The following MORC3 variants were observed in gnomAD, a reference collection of about 807,000 sequenced individuals.
MORC3 encodes MORC family CW-type zinc finger 3.
Under a neutral mutation model 109.1 loss-of-function variants are expected in MORC3, and 31 were observed. That is an observed-to-expected ratio of 0.28 (90% confidence interval 0.21 to 0.38). The LOEUF is 0.38. MORC3 is among the 10% of genes least tolerant of loss of function. The pLI is 1.00. For missense variants in MORC3, 867 were observed against 1,135.8 expected (o/e 0.76, Z 3.40); for synonymous variants, 395 against 380.7 (o/e 1.04, Z -0.44).
In MORC3 at chr21:36,349,300, T is replaced by A; in HGVS notation, c.1006-11T>A. On this transcript the variant is annotated splice_polypyrimidine_tract_variant and intron_variant, in intron 8 of 16. Coordinates refer to ENST00000400485, the MANE Select transcript of MORC3 (RefSeq NM_015358.3). ...TATGCTTAAAATGCTGATTTCATTT[T>A]ATTTTTTCAGGCAAACAACATGGGT... 1 of 1,593,424 alleles carries A rather than the reference T, an allele frequency of 6.3e-7. No homozygotes were observed. The highest frequency in any genetic ancestry group is 1.7e-4 in the Middle Eastern group (1 of 6,014).
chr21:36,368,080 A>C (rs1236370809), intron 14 of MORC3, among the ~76,000 whole-genome samples: 2 of 152,198 alleles, frequency 1.3e-5, no homozygotes, highest in African/African-American at 4.8e-5. Flanking sequence ...ACAAGGCCCA[A>C]ATAGCAAACC....
intron 10 of MORC3, among the ~76,000 whole-genome samples, chr21:36,358,708 C>T (rs999227221): frequency 6.6e-5 from 10 of 151,908 alleles, no homozygotes; most frequent in African/African-American, 2.4e-4. Flanking sequence ...GAGGTAGAGG[C>T]TTGCTCTGTC....
At position 36,358,623 on chromosome 21, in the gene MORC3, ATAAT is replaced by A. The variant is rs1282986159; in HGVS notation, c.1209-1328_1209-1325del. ...TAAATAAATAAAGTAGAAGCAAAAA[ATAAT>A]TAAAAAAATAAAAGAATATATACAA... is the stretch of plus-strand genomic sequence containing the variant. On this transcript the variant is annotated intron_variant, in intron 10 of 16. Coordinates refer to ENST00000400485, the MANE Select transcript of MORC3 (RefSeq NM_015358.3). Among the ~76,000 whole-genome samples the A allele has an allele frequency of 3.3e-5, 5 of 152,228 alleles. No individual in the cohort carries two copies. The East Asian group carries it at 9.6e-4, about 29-fold the overall frequency.
intron 2 of MORC3, among the ~76,000 whole-genome samples, chr21:36,335,947 C>T (rs771897942): frequency 5.3e-5 from 8 of 152,052 alleles, no homozygotes; most frequent in Non-Finnish European, 5.9e-5. Context: ...ATTTTTGAGA[C>T]GGAGTCTCGC....
chr21:36,328,342 C>CT (rs959569308), intron 1 of MORC3, among the ~76,000 whole-genome samples: 1,417 of 130,048 alleles, frequency 0.011, 31 homozygotes, highest in African/African-American at 0.03. Flanking sequence ...CCCCCCCCGC[C>CT]TTTTTTTTTT....
At chr21:36,356,018 G>A (rs1174533644) in intron 9 of MORC3, among the ~76,000 whole-genome samples, 1 of 152,086 alleles carries the variant, frequency 6.6e-6, no homozygotes, top group Non-Finnish European at 1.5e-5. Flanking sequence ...AAATTTCTTG[G>A]AGATGCTTAC....
chr21:36,364,464 C>T (rs2085755339), intron 14 of MORC3, among the ~76,000 whole-genome samples: 1 of 152,104 alleles, frequency 6.6e-6, no homozygotes, highest in South Asian at 2.1e-4. Flanking sequence ...CTGTTAAATT[C>T]GTTAAAAAGT....
At chr21:36,374,819 C>T (rs1270084138) in intron 16 of MORC3, among the ~76,000 whole-genome samples, 4 of 151,976 alleles carry the variant, frequency 2.6e-5, no homozygotes, top group Admixed American at 6.6e-5. Context: ...CTACAGGTGT[C>T]GTCACCAAGC....
intron 1 of MORC3, chr21:36,320,693 G>C (rs556263642): frequency 1.0e-4 from 20 of 200,430 alleles, no homozygotes; most frequent in South Asian, 9.4e-4. Flanking sequence ...CGGGTTCCGC[G>C]TCCAGAAACG....
chr21:36,323,462 G>A (rs558386276), intron 1 of MORC3, among the ~76,000 whole-genome samples: 1 of 152,170 alleles, frequency 6.6e-6, no homozygotes, highest in African/African-American at 2.4e-5. Context: ...GCACAATAAT[G>A]TTTGCTGTTT....
intron 1 of MORC3, among the ~76,000 whole-genome samples, chr21:36,329,581 A>G (rs1303615495): frequency 1.3e-5 from 2 of 152,178 alleles, no homozygotes; most frequent in Admixed American, 6.6e-5. Context: ...ATAAAATTCT[A>G]AGGCTCTTCC....
intron 14 of MORC3, among the ~76,000 whole-genome samples, chr21:36,367,817 C>T (rs1233471724): frequency 6.6e-6 from 1 of 152,164 alleles, no homozygotes; most frequent in Non-Finnish European, 1.5e-5. Flanking sequence ...ATGGCAGAAA[C>T]ACTTGAATGG....
At chr21:36,365,925 C>T (rs2085775990) in intron 14 of MORC3, among the ~76,000 whole-genome samples, 1 of 152,104 alleles carries the variant, frequency 6.6e-6, no homozygotes, top group Non-Finnish European at 1.5e-5. Flanking sequence ...CATTTTGGAG[C>T]TGGATTGCTA....
rs751432733 is a variant in MORC3, at chr21:36,369,495, A to G, written c.2127A>G (p.Glu709=). Residue 709 remains glutamate (E), a synonymous_variant, in exon 15 of 17, where the codon GAA becomes GAG. Transcript: ENST00000400485. ...LRNQLLLVTE[E]KENYKRQCHM... is the part of the protein sequence containing the mutation. ...ACCAGCTACTCCTTGTCACTGAGGA[A>G]AAAGAGAATTATAAAAGACAGTGTC... 69 of 1,614,090 alleles carry G rather than the reference A, an allele frequency of 4.3e-5. No individual in the cohort carries two copies. Among genetic ancestry groups the G allele is most frequent in the Admixed American group, 1.3e-4 (8 of 60,000 alleles).
intron 16 of MORC3, 39 bp from the exon 17 acceptor site, chr21:36,375,104 G>C: frequency 1.9e-6 from 3 of 1,569,636 alleles, no homozygotes; most frequent in Non-Finnish European, 2.6e-6. Context: ...ATCTTAACTT[G>C]TAATGCTCAT....
At chr21:36,329,072 C>G (rs1371025279) in intron 1 of MORC3, among the ~76,000 whole-genome samples, 2 of 151,996 alleles carry the variant, frequency 1.3e-5, no homozygotes, top group Non-Finnish European at 2.9e-5. Context: ...GTGGGCGGAT[C>G]GCCTGAGGTC....
chr21:36,370,233 T>G (rs1470983891), intron 15 of MORC3, among the ~76,000 whole-genome samples: 1 of 152,186 alleles, frequency 6.6e-6, no homozygotes, highest in Non-Finnish European at 1.5e-5. Context: ...ATTGCTTGAT[T>G]GGAATGCTTT....
At chr21:36,354,155 CTT>C (rs2085614075) in intron 9 of MORC3, among the ~76,000 whole-genome samples, 1 of 151,878 alleles carries the variant, frequency 6.6e-6, no homozygotes, top group African/African-American at 2.4e-5. Context: ...GTTCATATGT[CTT>C]CATCCTCGTA....
intron 9 of MORC3, among the ~76,000 whole-genome samples, chr21:36,354,323 CTTT>C (rs144208712): frequency 1.8e-5 from 2 of 113,650 alleles, no homozygotes; most frequent in African/African-American, 3.4e-5. Context: ...TTCTTTCTTT[CTTT>C]TTTTTTTTTT....
Sources: gnomAD v4.1 joint callset for allele counts (sites outside exome capture counted in the v4.1 genomes callset) on GRCh38, gnomAD v4.1.1 for gene constraint, MANE v1.5 for transcripts, NCBI Gene and HGNC (gene_info 2026-07-23, HGNC 2026-07-21) for gene names.